Variants in CBLB observed in about 807,000 individuals in gnomAD.
CBLB encodes Cbl proto-oncogene B, also known as E3 ubiquitin-protein ligase CBL-B.
In CBLB, 31 loss-of-function variants were observed where a neutral mutation model predicts 104.9. The ratio of observed to expected loss-of-function variants is 0.30; its 90% confidence interval spans 0.22 to 0.40. CBLB has a LOEUF of 0.40. Among genes scored for constraint, CBLB ranks in the 10% least tolerant of loss-of-function variants. The pLI, the probability that CBLB is intolerant of heterozygous loss-of-function variation, is 1.00. For missense variants in CBLB, 1,062 were observed against 1,214.6 expected (o/e 0.87, Z 1.87); for synonymous variants, 440 against 422.6 (o/e 1.04, Z -0.51).
chr3:105,678,636 CA>C (rs2065935433), intron 16 of CBLB, 65 bp from the exon 17 acceptor site: 1 of 1,491,676 alleles, frequency 6.7e-7, no homozygotes, highest in Admixed American at 1.9e-5. Flanking sequence ...CAGCATCTAA[CA>C]AAAGTAATAA....
At chr3:105,785,809 G>A (rs1224334122) in intron 3 of CBLB, among the ~76,000 whole-genome samples, 1 of 152,106 alleles carries the variant, frequency 6.6e-6, no homozygotes, top group African/African-American at 2.4e-5. Context: ...TATTCAGTAT[G>A]TGCAAATATA....
chr3:105,861,394 T>C (rs1452795181), intron 2 of CBLB, among the ~76,000 whole-genome samples: 2 of 152,180 alleles, frequency 1.3e-5, no homozygotes, highest in African/African-American at 4.8e-5. Context: ...ATAAATATTA[T>C]GCCTTAAATC....
At chr3:105,759,139 T>A (rs1008092682) in intron 4 of CBLB, among the ~76,000 whole-genome samples, 4 of 152,152 alleles carry the variant, frequency 2.6e-5, no homozygotes, top group Non-Finnish European at 5.9e-5. Context: ...CCAGAGTGGG[T>A]AGCTCCTTTC....
chr3:105,800,432 A>AC (rs2082716646), intron 3 of CBLB, among the ~76,000 whole-genome samples: 1 of 152,154 alleles, frequency 6.6e-6, no homozygotes, highest in Non-Finnish European at 1.5e-5. Context: ...GCCTACCATT[A>AC]CCAGGGCCCA....
intron 3 of CBLB, among the ~76,000 whole-genome samples, chr3:105,801,884 C>T (rs985182593): frequency 4.6e-5 from 7 of 152,194 alleles, no homozygotes; most frequent in Non-Finnish European, 1.0e-4. Context: ...GAGCTGTAAC[C>T]TTGGAAAAAT....
chr3:105,823,889 T>C (rs1207654553), intron 3 of CBLB, among the ~76,000 whole-genome samples: 2 of 152,144 alleles, frequency 1.3e-5, no homozygotes, highest in African/African-American at 4.8e-5. Flanking sequence ...CATCACTCTC[T>C]TCCTTCTTAG....
intron 3 of CBLB, among the ~76,000 whole-genome samples, chr3:105,777,083 A>G (rs1463555021): frequency 6.6e-6 from 1 of 152,210 alleles, no homozygotes; most frequent in African/African-American, 2.4e-5. Context: ...ATGAAAATGT[A>G]TTGGTATTAT....
intron 3 of CBLB, among the ~76,000 whole-genome samples, chr3:105,786,437 C>T (rs1198291324): frequency 6.6e-6 from 1 of 152,122 alleles, no homozygotes; most frequent in East Asian, 1.9e-4. Flanking sequence ...GCTCCACTGG[C>T]AACCACGCTG....
chr3:105,670,129 G>A (rs981900479), intron 18 of CBLB, 104 bp downstream of exon 18: 1 of 1,017,012 alleles, frequency 9.8e-7, no homozygotes, highest in Non-Finnish European at 1.5e-6. Context: ...TTTCTTGGGT[G>A]GACAACATTC....
At chr3:105,862,854 C>T (rs1436399227) in intron 2 of CBLB, among the ~76,000 whole-genome samples, 2 of 152,064 alleles carry the variant, frequency 1.3e-5, no homozygotes, top group Admixed American at 1.3e-4. Context: ...CTGGCCAGCA[C>T]CTCCTCCATG....
intron 3 of CBLB, chr3:105,824,136 C>T (rs1048860133): frequency 3.3e-5 from 5 of 152,200 alleles, no homozygotes; most frequent in Admixed American, 6.6e-5. Context: ...TGTTTTCTTC[C>T]TGAAGCCTCA....
rs373872306 is a variant in CBLB, at chr3:105,749,369, A to T, written c.723+2093T>A. 9.2e-5 allele frequency among the ~76,000 whole-genome samples: 14 copies of T among 152,336 alleles called. No individual in the cohort carries two copies. In the South Asian group the frequency reaches 2.9e-3, roughly 32 times the overall value. On this transcript the variant is annotated intron_variant, in intron 5 of 18. Coordinates refer to ENST00000394030, the MANE Select transcript of CBLB (RefSeq NM_170662.5). Reference sequence around the variant, plus strand: ...CTTTTCACAGTAGCTTGACTTAAAAATAGCCCTTTCTTTTCCCATCCCAGT... The same window carrying T: ...CTTTTCACAGTAGCTTGACTTAAAATTAGCCCTTTCTTTTCCCATCCCAGT...
At chr3:105,864,646 C>T (rs2092320070) in intron 2 of CBLB, among the ~76,000 whole-genome samples, 1 of 152,126 alleles carries the variant, frequency 6.6e-6, no homozygotes, top group Non-Finnish European at 1.5e-5. Context: ...TGTTACAAAA[C>T]ACTCTACATC....
chr3:105,802,365 C>G (rs142618228), intron 3 of CBLB, among the ~76,000 whole-genome samples: 1 of 152,110 alleles, frequency 6.6e-6, no homozygotes, highest in African/African-American at 2.4e-5. Context: ...TACATCTCTC[C>G]GGTAAAGAGA....
rs1382370426 is a variant in CBLB, at chr3:105,702,357, G to A, written c.1696C>T (p.Pro566Ser). 6.2e-7 allele frequency: 1 copy of A among 1,612,972 alleles called. No individual in the cohort carries two copies. The highest frequency in any genetic ancestry group is 8.5e-7 in the Non-Finnish European group (1 of 1,179,576). The change falls in exon 12 of 19, where the codon CCA (proline) becomes TCA (serine). Residue 566 changes from proline to serine, a missense_variant. Transcript: ENST00000394030. ...TGTCTACTCAGTCTATTGTCTGGTG[G>A]GATTGGTGGAGGTCTTTCAGGTGGC... ...PPPPERPPPI[P>S]PDNRLSRHIH...
intron 5 of CBLB, 127 bp downstream of exon 5, chr3:105,751,335 G>T: frequency 2.7e-6 from 2 of 750,624 alleles, no homozygotes; most frequent in Non-Finnish European, 4.7e-6. Flanking sequence ...TAATAGGAAT[G>T]ACACTATTTT....
intron 4 of CBLB, among the ~76,000 whole-genome samples, chr3:105,752,590 T>A (rs923919911): frequency 6.6e-6 from 1 of 152,326 alleles, no homozygotes; most frequent in Admixed American, 6.5e-5. Context: ...AATATTTAAA[T>A]CTTAGGTTTC....
intron 9 of CBLB, among the ~76,000 whole-genome samples, chr3:105,727,449 C>T (rs1040924769): frequency 1.1e-4 from 16 of 151,804 alleles, no homozygotes; most frequent in Non-Finnish European, 1.8e-4. Context: ...GGATGTTAGC[C>T]CTTTGTCAGA....
intron 3 of CBLB, among the ~76,000 whole-genome samples, chr3:105,839,874 G>C (rs1015969098): frequency 6.6e-6 from 1 of 152,218 alleles, no homozygotes; most frequent in Non-Finnish European, 1.5e-5. Context: ...CAATTGTAAT[G>C]AGAACAAACT....
Sources: allele counts gnomAD v4.1 joint callset (sites outside exome capture counted in the v4.1 genomes callset), GRCh38; gene constraint gnomAD v4.1.1; transcripts MANE v1.5; gene names NCBI Gene and HGNC (gene_info 2026-07-23, HGNC 2026-07-21).